The following DOCK10 variants were observed in gnomAD, a reference collection of about 807,000 sequenced individuals.
The protein encoded by DOCK10 is dedicator of cytokinesis 10, also known as dedicator of cytokinesis protein 10.
A neutral mutation model predicts 280.1 loss-of-function variants in DOCK10; 145 were observed. The observed-to-expected ratio is 0.52, with a 90% CI of 0.45 to 0.59. DOCK10 has a LOEUF of 0.59. Ranked by LOEUF, DOCK10 falls within the 20% of genes least tolerant of loss-of-function variation. The pLI is 0.00. For missense variants in DOCK10, 2,368 were observed against 2,651.7 expected, an observed-to-expected ratio of 0.89 and a Z score of 2.35; for synonymous variants, 915 against 942.2, an observed-to-expected ratio of 0.97 and a Z score of 0.53.
intron 4 of DOCK10, chr2:224,893,589 G>C (rs971558206): frequency 4.7e-6 from 2 of 425,546 alleles, no homozygotes; most frequent in Non-Finnish European, 9.4e-6. Context: ...AGTGTGTAAA[G>C]GCTTACATTT....
chr2:224,864,965 C>T lies in DOCK10; in HGVS notation c.1380G>A (p.Val460=), dbSNP rs1697794114. ...AVRQMLLGAS[V]ALENGNIDTI... ...TGTCGATGTTGCCATTTTCCAAAGC[C>T]ACAGAAGCCCCCAAGAGCATCTGTC... Residue 460 remains valine, a synonymous_variant, in exon 12 of 56, where the codon GTG becomes GTA. Coordinates refer to ENST00000258390, the MANE Select transcript of DOCK10 (RefSeq NM_014689.3). 1 of 1,613,844 alleles carries T rather than the reference C, an allele frequency of 6.2e-7. No homozygotes were observed. Among genetic ancestry groups the T allele is most frequent in the African/African-American group, 1.3e-5 (1 of 74,972 alleles).
chr2:224,964,365 C>G (rs1480349196), intron 1 of DOCK10, among the ~76,000 whole-genome samples: 2 of 152,182 alleles, frequency 1.3e-5, no homozygotes, highest in African/African-American at 4.8e-5. Context: ...TGACCTGACT[C>G]ATCAGTAATT....
At chr2:224,911,971 A>G (rs757578358) in intron 3 of DOCK10, among the ~76,000 whole-genome samples, 13 of 152,172 alleles carry the variant, frequency 8.5e-5, no homozygotes, top group Non-Finnish European at 1.3e-4. Context: ...AGTGCTCCAC[A>G]TGCCATTTTC....
chr2:224,856,903 T>C lies in DOCK10; in HGVS notation c.1765A>G (p.Ile589Val). 1 of 1,612,594 alleles carries C rather than the reference T, an allele frequency of 6.2e-7. No individual in the cohort carries two copies. The highest frequency in any genetic ancestry group is 8.5e-7 in the Non-Finnish European group (1 of 1,178,934). ...SPLFRQESSK[I>V]STEDLVKLVS... is the part of the protein sequence containing the mutation. ...AGTTTAACTAGGTCCTCAGTTGAAATCTTGCTACTTTCTTGTCTAAACAAT... is the reference window on the plus strand; with the variant it reads ...AGTTTAACTAGGTCCTCAGTTGAAACCTTGCTACTTTCTTGTCTAAACAAT... Residue 589 changes from isoleucine (I) to valine (V), a missense_variant, in exon 15 of 56, where the codon ATT (isoleucine) becomes GTT (valine). Around this residue, in one of 2 missense-constraint regions of DOCK10, gnomAD observed 1,209 missense variants for 1,250.9 expected, o/e 0.97. Coordinates refer to ENST00000258390, the MANE Select transcript of DOCK10 (RefSeq NM_014689.3).
At chr2:224,860,228 G>T (rs1353359747) in intron 14 of DOCK10, among the ~76,000 whole-genome samples, 1 of 152,110 alleles carries the variant, frequency 6.6e-6, no homozygotes, top group Non-Finnish European at 1.5e-5. Context: ...TTCAAAGCAG[G>T]ATTGTCACTT....
intron 1 of DOCK10, among the ~76,000 whole-genome samples, chr2:225,039,338 A>T (rs379579): frequency 0.79 from 120,264 of 152,192 alleles, 47,675 homozygotes; most frequent in Middle Eastern, 0.88. Context: ...AGAACTTGAC[A>T]TGATCCTTTG....
intron 50 of DOCK10, among the ~76,000 whole-genome samples, chr2:224,779,412 C>T (rs116195023): frequency 0.014 from 2,181 of 152,074 alleles, 47 homozygotes; most frequent in African/African-American, 0.046. Flanking sequence ...GGTGGAGTTT[C>T]GCCATGTTGG....
intron 28 of DOCK10, 137 bp downstream of exon 28, chr2:224,823,364 T>C (rs1694634221): frequency 1.5e-5 from 10 of 663,488 alleles, no homozygotes; most frequent in Non-Finnish European, 2.3e-5. Flanking sequence ...TAAAGATGTA[T>C]AAATGAAAGT....
chr2:224,995,815 A>G (rs966691041), intron 1 of DOCK10, among the ~76,000 whole-genome samples: 13 of 152,200 alleles, frequency 8.5e-5, no homozygotes, highest in Admixed American at 5.9e-4. Flanking sequence ...AGCTTGAAGA[A>G]TTTTTAATGT....
intron 1 of DOCK10, among the ~76,000 whole-genome samples, chr2:225,026,970 C>G (rs887400907): frequency 2.6e-5 from 4 of 152,074 alleles, no homozygotes; most frequent in South Asian, 2.1e-4. Context: ...TTAAATGGTT[C>G]AGACTATCTT....
At chr2:224,924,398 T>C (rs62187987) in intron 2 of DOCK10, among the ~76,000 whole-genome samples, 35,114 of 152,128 alleles carry the variant, frequency 0.23, 4,551 homozygotes, top group Non-Finnish European at 0.28. Flanking sequence ...ACTAATCTCC[T>C]TTCTCTCTCT....
At chr2:224,875,707 T>A (rs929045924) in intron 8 of DOCK10, among the ~76,000 whole-genome samples, 1 of 152,194 alleles carries the variant, frequency 6.6e-6, no homozygotes, top group African/African-American at 2.4e-5. Flanking sequence ...TTAATTAAAT[T>A]TAATGAAAGG....
At chr2:224,851,305 G>C (rs1696714088) in intron 18 of DOCK10, among the ~76,000 whole-genome samples, 1 of 152,096 alleles carries the variant, frequency 6.6e-6, no homozygotes, top group African/African-American at 2.4e-5. Context: ...CAAAAACACT[G>C]CTCTACAGGC....
intron 1 of DOCK10, among the ~76,000 whole-genome samples, chr2:224,939,412 T>G (rs571666514): frequency 6.6e-6 from 1 of 152,370 alleles, no homozygotes; most frequent in South Asian, 2.1e-4. Flanking sequence ...CTTATGAGCA[T>G]GTTAAAATTC....
chr2:224,828,083 C>T (rs191862266), intron 27 of DOCK10, among the ~76,000 whole-genome samples: 2 of 152,316 alleles, frequency 1.3e-5, no homozygotes, highest in South Asian at 2.1e-4. Context: ...GGAGTTGTCC[C>T]GCCTCTCCTT....
intron 55 of DOCK10, among the ~76,000 whole-genome samples, chr2:224,768,052 T>C (rs1293837034): frequency 6.6e-6 from 1 of 151,984 alleles, no homozygotes; most frequent in African/African-American, 2.4e-5. Context: ...TAGCTGGGAT[T>C]GTAGGAGTGT....
chr2:224,926,851 A>G (rs1575069805), intron 2 of DOCK10, among the ~76,000 whole-genome samples: 1 of 152,216 alleles, frequency 6.6e-6, no homozygotes, highest in Non-Finnish European at 1.5e-5. Flanking sequence ...CATGAAATAA[A>G]TATTTATTTT....
At chr2:224,813,553 T>C (rs1342435349) in intron 31 of DOCK10, among the ~76,000 whole-genome samples, 1 of 152,218 alleles carries the variant, frequency 6.6e-6, no homozygotes, top group Non-Finnish European at 1.5e-5. Context: ...CACCCGTGTA[T>C]ACAACCTGCT....
At chr2:225,031,373 T>G (rs1336944074) in intron 1 of DOCK10, among the ~76,000 whole-genome samples, 2 of 152,242 alleles carry the variant, frequency 1.3e-5, no homozygotes, top group African/African-American at 4.8e-5. Flanking sequence ...TGCCGCCTTG[T>G]GCATTTAAGG....
Sources: allele counts gnomAD v4.1 joint callset (sites outside exome capture counted in the v4.1 genomes callset), GRCh38; gene constraint gnomAD v4.1.1; regional missense constraint gnomAD v4.1.1; transcripts MANE v1.5; gene names NCBI Gene and HGNC (gene_info 2026-07-23, HGNC 2026-07-21).